KHDRBS1: variants seen among roughly 807,000 people sequenced by gnomAD.
KHDRBS1 encodes the protein KH domain-containing, RNA-binding, signal transduction-associated protein 1.
Under a neutral mutation model 48.4 loss-of-function variants are expected in KHDRBS1, and 7 were observed. That is an observed-to-expected ratio of 0.14 (90% confidence interval 0.08 to 0.27). KHDRBS1 has a LOEUF of 0.27. Ranked by LOEUF, KHDRBS1 falls within the 10% of genes least tolerant of loss-of-function variation. The pLI is 1.00. For synonymous variants in KHDRBS1, 241 were observed against 235.8 expected (o/e 1.02, Z -0.20); for missense variants, 458 against 601.2 (o/e 0.76, Z 2.49).
At chr1:32,051,051 C>T (rs1639413071) in intron 10 of KHDRBS1, among the ~76,000 whole-genome samples, 1 of 152,092 alleles carries the variant, frequency 6.6e-6, no homozygotes, top group African/African-American at 2.4e-5. Flanking sequence ...GCGCCCACCA[C>T]CATGCCCAGC....
intron 8 of KHDRBS1, among the ~76,000 whole-genome samples, 155 bp from the exon 9 acceptor site, chr1:32,042,372 G>T (rs953684874): frequency 3.3e-5 from 5 of 152,152 alleles, no homozygotes; most frequent in African/African-American, 4.8e-5. Flanking sequence ...GCCCAAGAGG[G>T]CCAAGCCAAG....
intron 10 of KHDRBS1, among the ~76,000 whole-genome samples, chr1:32,059,027 C>T (rs779092388): frequency 6.6e-6 from 1 of 151,592 alleles, no homozygotes; most frequent in Non-Finnish European, 1.5e-5. Flanking sequence ...CATGGTGGTG[C>T]GTGCCTGTAA....
At chr1:32,045,843 C>T (rs562367947), downstream of KHDRBS1, among the ~76,000 whole-genome samples, 5 of 152,312 alleles carry the variant, frequency 3.3e-5, no homozygotes, top group Non-Finnish European at 5.9e-5. Flanking sequence ...GCTCCTTGGG[C>T]ACAACTCAAA....
intron 10 of KHDRBS1, among the ~76,000 whole-genome samples, chr1:32,054,707 C>G (rs1444197952): frequency 6.6e-6 from 1 of 152,120 alleles, no homozygotes; most frequent in Non-Finnish European, 1.5e-5. Flanking sequence ...AGCCTATGGC[C>G]CGGGACGGCT....
chr1:32,051,719 C>A (rs1457333772), intron 10 of KHDRBS1, among the ~76,000 whole-genome samples: 1 of 152,326 alleles, frequency 6.6e-6, no homozygotes, highest in East Asian at 1.9e-4. Flanking sequence ...AATACTCTGA[C>A]CCTTCCTTAC....
chr1:32,033,369 A>G, intron 4 of KHDRBS1, 35 bp downstream of exon 4: 2 of 1,610,242 alleles, frequency 1.2e-6, no homozygotes, highest in Non-Finnish European at 1.7e-6. Flanking sequence ...TTCTGAGCAA[A>G]AGAGAACTGG....
At chr1:32,028,566 G>T (rs538601542) in intron 1 of KHDRBS1, among the ~76,000 whole-genome samples, 1 of 144,028 alleles carries the variant, frequency 6.9e-6, no homozygotes, top group East Asian at 2.0e-4. Context: ...GCAGTGGCGC[G>T]ATCTCGGCTC....
chr1:32,047,050 G>T (rs541242217), downstream of KHDRBS1, among the ~76,000 whole-genome samples: 1 of 152,168 alleles, frequency 6.6e-6, no homozygotes. Flanking sequence ...TGGAAAGGCA[G>T]GTTCTGTTTG....
At chr1:32,040,823 G>T (rs1639270194) in intron 8 of KHDRBS1, among the ~76,000 whole-genome samples, 1 of 152,198 alleles carries the variant, frequency 6.6e-6, no homozygotes, top group Non-Finnish European at 1.5e-5. Flanking sequence ...AGCTGAAAAA[G>T]AGGAGCCCCT....
intron 6 of KHDRBS1, among the ~76,000 whole-genome samples, 192 bp from the exon 7 acceptor site, chr1:32,038,360 A>G (rs1203236564): frequency 6.6e-6 from 1 of 152,002 alleles, no homozygotes; most frequent in African/African-American, 2.4e-5. Flanking sequence ...GTGGCATATC[A>G]TATTTGTTTG....
intron 8 of KHDRBS1, among the ~76,000 whole-genome samples, chr1:32,042,272 G>A (rs1053373044): frequency 3.3e-5 from 5 of 152,180 alleles, no homozygotes; most frequent in East Asian, 1.9e-4. Flanking sequence ...GAAGAACCTC[G>A]TTGTGGGAGA....
At chr1:32,041,864 G>A (rs1435907519) in intron 8 of KHDRBS1, among the ~76,000 whole-genome samples, 4 of 152,066 alleles carry the variant, frequency 2.6e-5, no homozygotes, top group African/African-American at 4.8e-5. Context: ...CTGGGATTAC[G>A]GGCGTGAGCC....
chr1:32,060,321 C>T (rs1375824292), exon 11 of KHDRBS1: 1 of 152,190 alleles, frequency 6.6e-6, no homozygotes, highest in Non-Finnish European at 1.5e-5. Flanking sequence ...GTCAGGATCC[C>T]TTAAGAGTCT....
At chr1:32,033,534 C>T (rs922938897) in intron 4 of KHDRBS1, among the ~76,000 whole-genome samples, 200 bp downstream of exon 4, 1 of 152,200 alleles carries the variant, frequency 6.6e-6, no homozygotes, top group Non-Finnish European at 1.5e-5. Context: ...CTCTATCCCT[C>T]CTTGTCTAAT....
At chr1:32,049,413 C>T (rs1639392045) in intron 10 of KHDRBS1, among the ~76,000 whole-genome samples, 1 of 151,454 alleles carries the variant, frequency 6.6e-6, no homozygotes, top group Admixed American at 6.6e-5. Context: ...AGCATGTATC[C>T]CTACTTTGTT....
intron 4 of KHDRBS1, among the ~76,000 whole-genome samples, chr1:32,036,430 A>G (rs1177040244): frequency 1.3e-5 from 2 of 152,010 alleles, no homozygotes; most frequent in Non-Finnish European, 2.9e-5. Flanking sequence ...CGGCCTCCCA[A>G]AGTGCTGGGA....
At chr1:32,020,216 C>A (rs1638830913) in intron 1 of KHDRBS1, among the ~76,000 whole-genome samples, 3 of 152,114 alleles carry the variant, frequency 2.0e-5, no homozygotes, top group Admixed American at 1.3e-4. Context: ...GAGCTTGTCT[C>A]TACAGAAAAT....
At chr1:32,045,949 G>A (rs1639351847), downstream of KHDRBS1, among the ~76,000 whole-genome samples, 1 of 152,146 alleles carries the variant, frequency 6.6e-6, no homozygotes, top group African/African-American at 2.4e-5. Flanking sequence ...AGAAAAACCA[G>A]TTCCTCAAAA....
At chr1:32,049,905 C>G (rs1183583753) in intron 10 of KHDRBS1, among the ~76,000 whole-genome samples, 1 of 152,166 alleles carries the variant, frequency 6.6e-6, no homozygotes, top group African/African-American at 2.4e-5. Flanking sequence ...TCATGATCCA[C>G]CTGCCTCAGC....
Sources: gnomAD v4.1 joint callset for allele counts (sites outside exome capture counted in the v4.1 genomes callset) on GRCh38, gnomAD v4.1.1 for gene constraint, MANE v1.5 for transcripts, NCBI Gene and HGNC (gene_info 2026-07-23, HGNC 2026-07-21) for gene names.